Variants in PER3 observed in about 807,000 individuals in gnomAD.
PER3 encodes the protein period circadian protein homolog 3.
Under a neutral mutation model 127.2 loss-of-function variants are expected in PER3, and 107 were observed. That is an observed-to-expected ratio of 0.84 (90% CI 0.72 to 0.99). The LOEUF is 0.99. Among genes scored for constraint, PER3 ranks in the 50% least tolerant of loss-of-function variants. The probability of loss-of-function intolerance (pLI) is 0.00; values close to 1 mark genes in which losing one functional copy is unlikely to be tolerated. For synonymous variants in PER3, 618 were observed against 585.8 expected (o/e 1.05, Z -0.79); for missense variants, 1,560 against 1,525.8 (o/e 1.02, Z -0.37).
rs756941737 is a variant in PER3 at position 7,793,995 on chromosome 1, T to G, written c.631T>G (p.Phe211Val). Reference protein sequence around the residue: ...RYECAPVKPFFCRIRGGEDRK... With the variant: ...RYECAPVKPFVCRIRGGEDRK... ...TGAATGTGCTCCGGTGAAACCTTTTTTCTGCAGGATCCGGTAAGTATAGTG... is the reference window on the plus strand; with the variant it reads ...TGAATGTGCTCCGGTGAAACCTTTTGTCTGCAGGATCCGGTAAGTATAGTG... Residue 211 changes from phenylalanine (F) to valine (V), a missense_variant, in exon 6 of 22, where the codon TTC becomes GTC. Coordinates refer to ENST00000377532, the MANE Select transcript of PER3 (RefSeq NM_001377275.1). The G allele has an allele frequency of 3.7e-6, 6 of 1,613,760 alleles. No individual in the cohort carries two copies. In the African/African-American group the frequency reaches 4.0e-5, roughly 11 times the overall value.
rs2097398014 is a variant in PER3, at chr1:7,842,835, T to A, written c.*80T>A. ...CCTTTTTAAGTCCTGGACTTTTAAA[T>A]GACCATGAAGTTATCATTGAATGTT... On this transcript the variant is annotated 3_prime_UTR_variant, in exon 22 of 22. Coordinates refer to ENST00000377532, the MANE Select transcript of PER3 (RefSeq NM_001377275.1). 1.0e-5 allele frequency: 12 copies of A among 1,200,552 alleles called. No individual in the cohort carries two copies. In the Admixed American group the frequency reaches 1.5e-4, roughly 15 times the overall value. 74.4% of individuals were successfully genotyped at this position (1,200,552 alleles called of 1,614,324 possible). A position where few individuals can be genotyped will look rare whatever the true frequency, so the allele number is the denominator to read the frequency against.
At chr1:7,793,755 T>A (rs911970296) in intron 5 of PER3, among the ~76,000 whole-genome samples, 2 of 152,070 alleles carry the variant, frequency 1.3e-5, no homozygotes, top group African/African-American at 4.8e-5. Context: ...GGTTCACGGT[T>A]CCAGTACCAA....
At chr1:7,822,483 C>T (rs1225846874) in intron 16 of PER3, among the ~76,000 whole-genome samples, 1 of 152,004 alleles carries the variant, frequency 6.6e-6, no homozygotes, top group East Asian at 1.9e-4. Flanking sequence ...GAACTCCGGA[C>T]CTCAGGTGAT....
intron 10 of PER3, among the ~76,000 whole-genome samples, chr1:7,806,914 A>G (rs2097197533): frequency 6.6e-6 from 1 of 151,146 alleles, no homozygotes; most frequent in African/African-American, 2.4e-5. Flanking sequence ...AATCTCATAA[A>G]GCAATCTGTT....
chr1:7,803,720 T>C lies in PER3; in HGVS notation c.1008T>C (p.Phe336=), dbSNP rs749951524. The part of the protein sequence containing the change: ...KVLKYAGHPP[F]EHSPIRFCTQ... ...TGAAGTATGCAGGGCATCCTCCCTT[T>C]GAACATTCTCCCATTCGATTTTGTA... Residue 336 remains phenylalanine, a synonymous_variant, in exon 10 of 22, where the codon TTT becomes TTC. Transcript: ENST00000377532. 12 of 1,608,186 alleles carry C rather than the reference T, an allele frequency of 7.5e-6. No homozygotes were observed. In the African/African-American group the frequency reaches 1.3e-4, roughly 18 times the overall value.
In PER3 at chr1:7,817,290, A is replaced by G. The variant is rs2097255838; in HGVS notation, c.1523-1995A>G. On this transcript the variant is annotated intron_variant, in intron 13 of 21. Coordinates refer to ENST00000377532, the MANE Select transcript of PER3 (RefSeq NM_001377275.1). The stretch of plus-strand genomic sequence containing the variant: ...CCCACAGATTTGTGCACTCCATCTC[A>G]CCCCAAAATGCAGAGAGAACCCAAG... Among the ~76,000 whole-genome samples the G allele has an allele frequency of 2.6e-5, 4 of 152,152 alleles. No homozygotes were observed. The South Asian group carries it at 8.3e-4, about 31-fold the overall frequency.
chr1:7,808,472 T>C (rs2097205719), intron 10 of PER3, among the ~76,000 whole-genome samples: 1 of 152,226 alleles, frequency 6.6e-6, no homozygotes, highest in African/African-American at 2.4e-5. Flanking sequence ...CTTAATTAGA[T>C]AGCTTAAGTG....
intron 21 of PER3, among the ~76,000 whole-genome samples, chr1:7,840,727 C>G (rs1415060619): frequency 6.6e-6 from 1 of 151,952 alleles, no homozygotes. Flanking sequence ...CCCAAGTGAT[C>G]CTCTCAAGTA....
In PER3 at chr1:7,826,677, A is replaced by G; in HGVS notation, c.2155A>G (p.Ser719Gly). Residue 719 changes from serine to glycine, a missense_variant, in exon 17 of 22, where the codon AGC becomes GGC. Transcript: ENST00000377532. This position sits in a 1 kb window ranked among gnomAD's most constrained non-coding sequence, Gnocchi z 4.2. Reference protein sequence around the residue: ...SPYSSYLQQESRSKAKYSYFQ... With the variant: ...SPYSSYLQQEGRSKAKYSYFQ... ...CTACAGCTCCTATCTTCAGCAAGAAAGCAGGAGCAAAGCTAAATATTCATA... is the reference window on the plus strand; with the variant it reads ...CTACAGCTCCTATCTTCAGCAAGAAGGCAGGAGCAAAGCTAAATATTCATA... 1 of 1,610,126 alleles carries G rather than the reference A, an allele frequency of 6.2e-7. No individual in the cohort carries two copies. The highest frequency in any genetic ancestry group is 8.5e-7 in the Non-Finnish European group (1 of 1,176,252).
At chr1:7,828,574 A>G (rs2097313964) in intron 18 of PER3, among the ~76,000 whole-genome samples, 1 of 152,204 alleles carries the variant, frequency 6.6e-6, no homozygotes, top group Non-Finnish European at 1.5e-5. Flanking sequence ...AATCAAGAAA[A>G]TATGCTCACT....
chr1:7,787,710 T>C (rs1249379272), intron 4 of PER3: 1 of 357,674 alleles, frequency 2.8e-6, no homozygotes, highest in African/African-American at 2.1e-5. Flanking sequence ...TCTTAAAGCA[T>C]AGAATCTGCG....
chr1:7,820,710 C>T, intron 16 of PER3, 70 bp downstream of exon 16: 3 of 1,255,452 alleles, frequency 2.4e-6, no homozygotes, highest in Non-Finnish European at 3.3e-6. Flanking sequence ...AAACAAAAGT[C>T]ATGAATACCA....
chr1:7,789,140 A>AATATATATATATATATAT (rs59535110), intron 5 of PER3, among the ~76,000 whole-genome samples: 184 of 133,218 alleles, frequency 1.4e-3, no homozygotes, highest in Admixed American at 3.4e-3. Context: ...AGAGCTTTAA[A>AATATATATATATATATAT]ATATATATAT....
At chr1:7,805,643 C>T (rs959194839) in intron 10 of PER3, among the ~76,000 whole-genome samples, 2 of 152,174 alleles carry the variant, frequency 1.3e-5, no homozygotes, top group Non-Finnish European at 2.9e-5. Flanking sequence ...CCCATACCCC[C>T]CAAGTACGGA....
chr1:7,802,791 C>T (rs763916923), intron 8 of PER3, among the ~76,000 whole-genome samples: 1 of 152,234 alleles, frequency 6.6e-6, no homozygotes, highest in Non-Finnish European at 1.5e-5. Flanking sequence ...AAGCATACAG[C>T]GAGACTGTGG....
intron 11 of PER3, among the ~76,000 whole-genome samples, chr1:7,809,454 T>C (rs1194520840): frequency 1.3e-5 from 2 of 152,180 alleles, no homozygotes; most frequent in Non-Finnish European, 2.9e-5. Flanking sequence ...ATAGAACTAA[T>C]GGTGTCGTGT....
chr1:7,810,146 C>A, intron 12 of PER3, 125 bp downstream of exon 12: 2 of 1,011,236 alleles, frequency 2.0e-6, no homozygotes, highest in Non-Finnish European at 2.9e-6. Context: ...CAGATATTTT[C>A]ATCCATTTTG....
chr1:7,805,431 A>C (rs959309200), intron 10 of PER3, among the ~76,000 whole-genome samples: 3 of 152,208 alleles, frequency 2.0e-5, no homozygotes, highest in African/African-American at 2.4e-5. Flanking sequence ...AAGAGGTCTC[A>C]AGGTTGCTCT....
In PER3 at chr1:7,795,850, C is replaced by T. The variant is rs115582039; in HGVS notation, c.644+1842C>T. ...GTCATCACCCAGCTTTTTAAGAACT[C>T]GAACCCTGGCCAGTCTGGCGTCATC... On this transcript the variant is annotated intron_variant, in intron 6 of 21. Transcript: ENST00000377532. Among the ~76,000 whole-genome samples, 359 of 152,348 alleles carry T rather than the reference C, an allele frequency of 2.4e-3. 1 individual carries two copies. The highest frequency in any genetic ancestry group is 8.3e-3 in the African/African-American group (345 of 41,586).
Sources: allele counts gnomAD v4.1 joint callset (sites outside exome capture counted in the v4.1 genomes callset), GRCh38; gene constraint gnomAD v4.1.1; non-coding constraint Gnocchi (gnomAD v3.1); transcripts MANE v1.5; gene names NCBI Gene and HGNC (gene_info 2026-07-23, HGNC 2026-07-21).